DENND5B: variants seen among roughly 807,000 people sequenced by gnomAD.
The protein encoded by DENND5B is DENN domain-containing protein 5B.
Under a neutral mutation model 140.6 loss-of-function variants are expected in DENND5B, and 34 were observed. That is an observed-to-expected ratio of 0.24 (90% CI 0.18 to 0.32). The LOEUF is 0.32. DENND5B is among the 10% of genes least tolerant of loss of function. The pLI, the probability that DENND5B is intolerant of heterozygous loss-of-function variation, is 1.00. For synonymous variants in DENND5B, 551 were observed against 562.1 expected, an observed-to-expected ratio of 0.98 and a Z score of 0.28; for missense variants, 1,142 against 1,560.2, an observed-to-expected ratio of 0.73 and a Z score of 4.52.
intron 1 of DENND5B, among the ~76,000 whole-genome samples, chr12:31,554,566 T>C (rs1447035316): frequency 6.6e-6 from 1 of 152,198 alleles, no homozygotes; most frequent in African/African-American, 2.4e-5. Flanking sequence ...TCGAGGAGTA[T>C]CTTTGTCGCG....
intron 1 of DENND5B, among the ~76,000 whole-genome samples, chr12:31,523,399 G>A (rs1947973074): frequency 6.6e-6 from 1 of 152,096 alleles, no homozygotes; most frequent in East Asian, 1.9e-4. Flanking sequence ...GGGGCTGGCA[G>A]GAGACAAGAC....
chr12:31,504,055 A>C (rs533615847), intron 1 of DENND5B, among the ~76,000 whole-genome samples: 2 of 152,350 alleles, frequency 1.3e-5, no homozygotes, highest in African/African-American at 4.8e-5. Context: ...AGATTACCAA[A>C]GTCCAATTAA....
At chr12:31,451,697 T>C in intron 5 of DENND5B, 1 of 462,160 alleles carries the variant, frequency 2.2e-6, no homozygotes, top group South Asian at 2.9e-5. Context: ...TAACGCACAA[T>C]TTAATGACCA....
chr12:31,581,838 G>C (rs1044252554), intron 1 of DENND5B, among the ~76,000 whole-genome samples: 2 of 152,034 alleles, frequency 1.3e-5, no homozygotes, highest in African/African-American at 4.8e-5. Flanking sequence ...TGTGGGATTG[G>C]TTCCAAGACT....
chr12:31,572,382 G>A (rs151222085), intron 1 of DENND5B, among the ~76,000 whole-genome samples: 5 of 152,136 alleles, frequency 3.3e-5, no homozygotes, highest in Non-Finnish European at 5.9e-5. Flanking sequence ...CTGATGGTGC[G>A]TAAAACAGAC....
chr12:31,487,307 G>C (rs1946345854), intron 2 of DENND5B, among the ~76,000 whole-genome samples: 1 of 152,154 alleles, frequency 6.6e-6, no homozygotes, highest in South Asian at 2.1e-4. Context: ...AACTGTATAA[G>C]GAAAGGCTAT....
intron 2 of DENND5B, among the ~76,000 whole-genome samples, 167 bp from the exon 3 acceptor site, chr12:31,480,422 C>T (rs915701400): frequency 6.6e-6 from 1 of 152,072 alleles, no homozygotes; most frequent in Non-Finnish European, 1.5e-5. Flanking sequence ...TCCTCATACA[C>T]ATGTATATAA....
At chr12:31,434,347 C>T (rs766938014) in intron 7 of DENND5B, among the ~76,000 whole-genome samples, 7 of 152,130 alleles carry the variant, frequency 4.6e-5, no homozygotes, top group Non-Finnish European at 5.9e-5. Flanking sequence ...AAAATCAGTG[C>T]TAGTTCTATA....
chr12:31,468,817 A>G (rs1351121324), intron 3 of DENND5B, among the ~76,000 whole-genome samples: 1 of 103,074 alleles, frequency 9.7e-6, no homozygotes, highest in African/African-American at 3.5e-5. Flanking sequence ...GTCTCAAAAA[A>G]CCAAACAAAC....
chr12:31,420,824 C>T (rs7302698), intron 11 of DENND5B, among the ~76,000 whole-genome samples: 86,753 of 151,906 alleles, frequency 0.57, 25,247 homozygotes, highest in East Asian at 0.82. Flanking sequence ...GTATTCTGAA[C>T]TTCTTTCTCT....
intron 1 of DENND5B, among the ~76,000 whole-genome samples, chr12:31,563,276 G>A (rs933126408): frequency 2.6e-5 from 4 of 152,072 alleles, no homozygotes; most frequent in African/African-American, 7.2e-5. Context: ...TTTCAACACC[G>A]CCATCACAGT....
chr12:31,517,438 G>C (rs190330549), intron 1 of DENND5B, among the ~76,000 whole-genome samples: 1 of 152,300 alleles, frequency 6.6e-6, no homozygotes, highest in Admixed American at 6.5e-5. Context: ...GAGACTTAAG[G>C]TGAAAACCAT....
chr12:31,438,966 T>C (rs1943905958), intron 7 of DENND5B, among the ~76,000 whole-genome samples: 1 of 152,212 alleles, frequency 6.6e-6, no homozygotes, highest in African/African-American at 2.4e-5. Context: ...TAACTAGCTC[T>C]TACTATACAC....
At chr12:31,440,401 G>A (rs769734170) in intron 7 of DENND5B, among the ~76,000 whole-genome samples, 5 of 152,258 alleles carry the variant, frequency 3.3e-5, no homozygotes, top group African/African-American at 4.8e-5. Flanking sequence ...CCCTTCACTG[G>A]AGGGTGAAAC....
intron 1 of DENND5B, among the ~76,000 whole-genome samples, chr12:31,564,406 A>G (rs1297967674): frequency 2.6e-5 from 4 of 151,968 alleles, no homozygotes; most frequent in Non-Finnish European, 4.4e-5. Context: ...AACTGTTAAG[A>G]GTCCATGAAT....
intron 1 of DENND5B, among the ~76,000 whole-genome samples, chr12:31,529,162 C>CA (rs57966147): frequency 0.5 from 56,889 of 112,840 alleles, 13,089 homozygotes; most frequent in Admixed American, 0.62. Flanking sequence ...AACTCTGTCT[C>CA]AAAAAAAAAA....
chr12:31,417,343 C>G (rs1341752928), intron 11 of DENND5B, among the ~76,000 whole-genome samples: 1 of 106,726 alleles, frequency 9.4e-6, no homozygotes, highest in African/African-American at 3.9e-5. Flanking sequence ...GGTGACAGAG[C>G]AAGACTCTGT....
chr12:31,477,656 A>C (rs560989948), intron 3 of DENND5B: 20 of 164,080 alleles, frequency 1.2e-4, no homozygotes, highest in Non-Finnish European at 2.0e-4. Flanking sequence ...CTTCACTTGC[A>C]GATCATGAAA....
chr12:31,398,423 G>A, intron 16 of DENND5B, 61 bp from the exon 17 acceptor site: 1 of 1,464,046 alleles, frequency 6.8e-7, no homozygotes. Flanking sequence ...TTCCCGCTCA[G>A]CCCCCTGAGT....
Sources: gnomAD v4.1 joint callset for allele counts (sites outside exome capture counted in the v4.1 genomes callset) on GRCh38, gnomAD v4.1.1 for gene constraint, MANE v1.5 for transcripts, NCBI Gene and HGNC (gene_info 2026-07-23, HGNC 2026-07-21) for gene names.